Variants in FAM91A1 observed in about 807,000 individuals in gnomAD.
FAM91A1 encodes family with sequence similarity 91 member A1.
FAM91A1 carries 41 observed loss-of-function variants against 113.5 expected under a neutral mutation model. That is an observed-to-expected ratio of 0.36 (90% confidence interval 0.28 to 0.47). FAM91A1 has a LOEUF of 0.47. Among genes scored for constraint, FAM91A1 ranks in the 20% least tolerant of loss-of-function variants. The pLI is 1.00. For missense variants in FAM91A1, 696 were observed against 1,001.2 expected, an observed-to-expected ratio of 0.70 and a Z score of 4.11; for synonymous variants, 307 against 347.9, an observed-to-expected ratio of 0.88 and a Z score of 1.31.
intron 15 of FAM91A1, among the ~76,000 whole-genome samples, chr8:123,790,469 T>C (rs2130103749): frequency 6.6e-6 from 1 of 152,362 alleles, no homozygotes; most frequent in East Asian, 1.9e-4. Context: ...AGCACTTGGC[T>C]CAAGTTCTTA....
chr8:123,795,222 C>T lies in FAM91A1; in HGVS notation c.1412-2868C>T, dbSNP rs374075119. Among the ~76,000 whole-genome samples, 13 of 152,286 alleles carry T rather than the reference C, an allele frequency of 8.5e-5. No individual in the cohort carries two copies. The East Asian group carries it at 2.3e-3, about 27-fold the overall frequency. On this transcript the variant is annotated intron_variant, in intron 15 of 23. Transcript: ENST00000334705. ...GTTAAGATAGCAGGAGAAGCAGTTT[C>T]TGTTGACCGAGAGGCAGCAGATGAG...
At chr8:123,795,030 G>A (rs1050531820) in intron 15 of FAM91A1, among the ~76,000 whole-genome samples, 11 of 152,192 alleles carry the variant, frequency 7.2e-5, no homozygotes, top group Admixed American at 2.0e-4. Flanking sequence ...TTATGTGGGT[G>A]CAGGATTACT....
chr8:123,781,474 ATT>A (rs35842167), intron 8 of FAM91A1, among the ~76,000 whole-genome samples: 1,488 of 121,270 alleles, frequency 0.012, 18 homozygotes, highest in African/African-American at 0.048. Flanking sequence ...GCATATGTGA[ATT>A]TTTTTTTTTT....
In FAM91A1 at chr8:123,785,711, GGAA is replaced by G; in HGVS notation, c.936_938del (p.Lys312del). The G allele has an allele frequency of 6.2e-7, 1 of 1,608,210 alleles. No individual in the cohort carries two copies. Among genetic ancestry groups the G allele is most frequent in the South Asian group, 1.1e-5 (1 of 89,884 alleles). On this transcript the variant is annotated inframe_deletion, in exon 11 of 24. Coordinates refer to ENST00000334705, the MANE Select transcript of FAM91A1 (RefSeq NM_144963.4). ...AATTTGGATCAACTTCATTCATCAT[GGAA>G]GAATGTTCCATCCGTAAACAGATTA... is the stretch of plus-strand genomic sequence containing the variant.
rs80279732 is a variant in FAM91A1, at chr8:123,769,124, A to T, written c.72+350A>T. ...TGGGAAAGGGATGGGAAACAAATGA[A>T]TACGATACAGGATGATAGCAGCTCA... On this transcript the variant is annotated intron_variant, in intron 1 of 23. Coordinates refer to ENST00000334705, the MANE Select transcript of FAM91A1 (RefSeq NM_144963.4). Among the ~76,000 whole-genome samples the T allele has an allele frequency of 4.5e-3, 688 of 152,304 alleles. 10 individuals are homozygous for T. Among genetic ancestry groups the T allele is most frequent in the African/African-American group, 0.016 (660 of 41,570 alleles).
Position 123,805,197 on chromosome 8 carries a change from T to C in FAM91A1, c.1810-70T>C, listed in dbSNP as rs998108739. ...TATACCATTACATGACACAATCTTA[T>C]TTACTTTTGAATATCAGTGATTGGA... On this transcript the variant is annotated intron_variant, in intron 18 of 23. Transcript: ENST00000334705. 13 of 1,208,782 alleles carry C rather than the reference T, an allele frequency of 1.1e-5. No homozygotes were observed. The African/African-American group carries it at 1.4e-4, about 13-fold the overall frequency. The allele number at this position is 1,208,782 out of a possible 1,614,324, so 74.9% of individuals were successfully genotyped here.
Position 123,777,246 on chromosome 8 carries a change from A to T in FAM91A1, c.310-19A>T, listed in dbSNP as rs748361309. The T allele has an allele frequency of 3.3e-5, 51 of 1,543,044 alleles. No individual in the cohort carries two copies. Among genetic ancestry groups the T allele is most frequent in the Non-Finnish European group, 4.1e-5 (46 of 1,128,618 alleles). ...AGGACATTTTAGATTTCAAATTTAA[A>T]TTTTTTTCTTTTTAAAAGGATATTA... is the stretch of plus-strand genomic sequence containing the variant. On this transcript the variant is annotated intron_variant, in intron 3 of 23. Coordinates refer to ENST00000334705, the MANE Select transcript of FAM91A1 (RefSeq NM_144963.4).
intron 8 of FAM91A1, among the ~76,000 whole-genome samples, chr8:123,783,312 A>G (rs1043232113): frequency 2.0e-5 from 3 of 152,264 alleles, no homozygotes; most frequent in Admixed American, 1.3e-4. Context: ...TAAGCATTCA[A>G]TAAATGCTAT....
Position 123,815,062 on chromosome 8 carries a change from A to C in FAM91A1, c.*2358A>C, listed in dbSNP as rs1334086644. ...GAACAAATATCAAAAAAGACATAGA[A>C]TTTAATATTGATACAATTTCACCTC... On this transcript the variant is annotated 3_prime_UTR_variant, in exon 24 of 24. Transcript: ENST00000334705. The C allele has an allele frequency of 1.3e-5, 2 of 152,660 alleles. No individual in the cohort carries two copies. The highest frequency in any genetic ancestry group is 2.9e-5 in the Non-Finnish European group (2 of 68,032). 9.5% of individuals were successfully genotyped at this position (152,660 alleles called of 1,614,324 possible).
intron 9 of FAM91A1, 55 bp from the exon 10 acceptor site, chr8:123,785,026 G>A: frequency 7.5e-7 from 1 of 1,340,478 alleles, no homozygotes; most frequent in East Asian, 2.3e-5. Flanking sequence ...TTACAACTGT[G>A]TAATGTGCTG....
intron 5 of FAM91A1, 87 bp from the exon 6 acceptor site, chr8:123,778,572 C>T (rs975864766): frequency 1.4e-5 from 12 of 842,194 alleles, no homozygotes; most frequent in Admixed American, 8.5e-5. Context: ...TTATTTAGTC[C>T]ATTAGAAACA....
At position 123,815,129 on chromosome 8, in the gene FAM91A1, T is replaced by C. The variant is rs1258032886; in HGVS notation, c.*2425T>C. 6.6e-6 allele frequency: 1 copy of C among 152,624 alleles called. No individual in the cohort carries two copies. The highest frequency in any genetic ancestry group is 2.4e-5 in the African/African-American group (1 of 41,468). 9.5% of individuals were successfully genotyped at this position (152,624 alleles called of 1,614,324 possible). ...AAATGCAACTTTATATCAAAAAATG[T>C]CATCTGATTTCCTTTGTTTCTTTTT... On this transcript the variant is annotated 3_prime_UTR_variant, in exon 24 of 24. Coordinates refer to ENST00000334705, the MANE Select transcript of FAM91A1 (RefSeq NM_144963.4).
In FAM91A1 at chr8:123,784,556, G is replaced by C; in HGVS notation, c.790G>C (p.Glu264Gln). ...LLYKIFVSID[E>Q]HTNVAELANV... ...CTATAAGATATTTGTTTCAATAGAT[G>C]AGCACACAAATGTTGCAGAGGTAAG... Residue 264 changes from glutamate to glutamine, a missense_variant, in exon 9 of 24, where the codon GAG (glutamate) becomes CAG (glutamine). Coordinates refer to ENST00000334705, the MANE Select transcript of FAM91A1 (RefSeq NM_144963.4). The C allele has an allele frequency of 2.5e-6, 4 of 1,604,904 alleles. No individual in the cohort carries two copies. Among genetic ancestry groups the C allele is most frequent in the Non-Finnish European group, 2.5e-6 (3 of 1,176,630 alleles).
At chr8:123,777,866 T>A (rs546971660) in intron 4 of FAM91A1, among the ~76,000 whole-genome samples, 159 bp from the exon 5 acceptor site, 23 of 152,216 alleles carry the variant, frequency 1.5e-4, no homozygotes, top group Non-Finnish European at 2.6e-4. Context: ...TTAGCTTTCA[T>A]TTATGTTTTG....
rs1188251968 is a variant in FAM91A1 at position 123,779,006 on chromosome 8, TTAGA to T, written c.549+239_549+242del. Among the ~76,000 whole-genome samples the T allele has an allele frequency of 2.6e-5, 4 of 152,296 alleles. No individual in the cohort carries two copies. In the East Asian group the frequency reaches 7.7e-4, roughly 29 times the overall value. The stretch of plus-strand genomic sequence containing the variant: ...AAGTACAGTTATCTGGGGATGTTAA[TTAGA>T]TAGAAGCTTCGTGTAAAGTAACATG... On this transcript the variant is annotated intron_variant, in intron 6 of 23. Transcript: ENST00000334705.
At position 123,798,213 on chromosome 8, in the gene FAM91A1, G is replaced by C. The variant is rs771545014; in HGVS notation, c.1535G>C (p.Arg512Pro). ...VSMAPLTNEI[R>P]PVSSCTPQHI... The stretch of plus-strand genomic sequence containing the variant: ...ATGGCTCCCCTCACCAATGAAATCC[G>C]GCCTGTCAGCAGCTGCACCCCTCAG... The change falls in exon 16 of 24, where the codon CGG becomes CCG. Residue 512 changes from arginine (R) to proline (P), a missense_variant. By Grantham distance (103) the Arg-to-Pro change is moderately radical. Coordinates refer to ENST00000334705, the MANE Select transcript of FAM91A1 (RefSeq NM_144963.4). The C allele has an allele frequency of 6.2e-7, 1 of 1,613,762 alleles. No individual in the cohort carries two copies. The highest frequency in any genetic ancestry group is 8.5e-7 in the Non-Finnish European group (1 of 1,179,942).
Position 123,808,934 on chromosome 8 carries a change from T to G in FAM91A1, c.2179T>G (p.Phe727Val). 1.2e-6 allele frequency: 2 copies of G among 1,612,582 alleles called. No homozygotes were observed. Among genetic ancestry groups the G allele is most frequent in the Non-Finnish European group, 1.7e-6 (2 of 1,179,296 alleles). Residue 727 changes from phenylalanine (F) to valine (V), a missense_variant, in exon 22 of 24, where the codon TTT (phenylalanine) becomes GTT (valine). Transcript: ENST00000334705. ...EADWVPLELC[F>V]GIPLFSSELN... ...AGATTGGGTTCCTCTCGAGCTGTGC[T>G]TTGGAATTCCACTGTTCAGTTCCGA...
In FAM91A1 at chr8:123,775,215, A is replaced by G. The variant is rs1423317916; in HGVS notation, c.226A>G (p.Met76Val). 6.2e-7 allele frequency: 1 copy of G among 1,613,596 alleles called. No individual in the cohort carries two copies. The highest frequency in any genetic ancestry group is 8.5e-7 in the Non-Finnish European group (1 of 1,179,568). ...GCTAAAGTACAGCCGAGATCATCTC[A>G]TGCTGTACCCTTACCATCTATCGGA... The part of the protein sequence containing the change: ...ELLKYSRDHL[M>V]LYPYHLSDIM... Residue 76 changes from methionine (M) to valine (V), a missense_variant, in exon 3 of 24, where the codon ATG (methionine) becomes GTG (valine). Met to Val is a conservative substitution (Grantham distance 21, BLOSUM62 1). Coordinates refer to ENST00000334705, the MANE Select transcript of FAM91A1 (RefSeq NM_144963.4).
chr8:123,779,464 G>A (rs1034760368), intron 6 of FAM91A1, among the ~76,000 whole-genome samples: 1 of 152,174 alleles, frequency 6.6e-6, no homozygotes, highest in Non-Finnish European at 1.5e-5. Flanking sequence ...TTGTATTTAT[G>A]CGTAGCTGAA....
Sources: gnomAD v4.1 joint callset for allele counts (sites outside exome capture counted in the v4.1 genomes callset) on GRCh38, gnomAD v4.1.1 for gene constraint, MANE v1.5 for transcripts, NCBI Gene and HGNC (gene_info 2026-07-23, HGNC 2026-07-21) for gene names.